Variants in SLBP observed in about 807,000 individuals in gnomAD.
SLBP encodes histone RNA hairpin-binding protein.
Under a neutral mutation model 39.2 loss-of-function variants are expected in SLBP, and 29 were observed. That is an observed-to-expected ratio of 0.74 (90% CI 0.55 to 1.01). The LOEUF is 1.01. Among genes scored for constraint, SLBP ranks in the 50% least tolerant of loss-of-function variants. The pLI is 0.00. For missense variants in SLBP, 390 were observed against 350.2 expected, an observed-to-expected ratio of 1.11 and a Z score of -0.91; for synonymous variants, 129 against 118.7, an observed-to-expected ratio of 1.09 and a Z score of -0.57.
intron 3 of SLBP, among the ~76,000 whole-genome samples, chr4:1,700,674 C>T (rs931872203): frequency 6.6e-6 from 1 of 152,000 alleles, no homozygotes; most frequent in Non-Finnish European, 1.5e-5. Context: ...ATCATCTCAC[C>T]TCAGCCTCCC....
intron 2 of SLBP, 100 bp from the exon 3 acceptor site, chr4:1,703,800 T>A: frequency 1.1e-6 from 1 of 882,046 alleles, no homozygotes. Context: ...ACACAGTGGC[T>A]TGTGCCTGTA....
Position 1,694,941 on chromosome 4 carries a change from C to A in SLBP, c.630-101G>T, listed in dbSNP as rs555735067. Reference sequence around the variant, plus strand: ...CCATCCATATGGTACAGCCACAACACTGACAGTGTGCCCGAGGCTCCCTGA... The same window carrying A: ...CCATCCATATGGTACAGCCACAACAATGACAGTGTGCCCGAGGCTCCCTGA... On this transcript the variant is annotated intron_variant, in intron 6 of 7. Coordinates refer to ENST00000489418, the MANE Select transcript of SLBP (RefSeq NM_006527.4). 4.9e-6 allele frequency: 4 copies of A among 811,064 alleles called. No individual in the cohort carries two copies. The East Asian group carries it at 7.4e-5, about 15-fold the overall frequency. 50.2% of individuals were successfully genotyped at this position (811,064 alleles called of 1,614,324 possible).
At chr4:1,708,199 G>A (rs947892527) in intron 2 of SLBP, among the ~76,000 whole-genome samples, 2 of 152,040 alleles carry the variant, frequency 1.3e-5, no homozygotes, top group Non-Finnish European at 2.9e-5. Flanking sequence ...TTACAGTGAG[G>A]TGAGATCACA....
intron 2 of SLBP, among the ~76,000 whole-genome samples, chr4:1,706,050 C>T (rs781402256): frequency 7.2e-5 from 11 of 152,092 alleles, no homozygotes; most frequent in Non-Finnish European, 1.6e-4. Flanking sequence ...TTGGGGACGC[C>T]GAGGCGGGTG....
rs749159940 is a variant in SLBP, at chr4:1,700,079, AAAAT to A, written c.282-13_282-10del. On this transcript the variant is annotated splice_polypyrimidine_tract_variant and intron_variant, in intron 3 of 7. Coordinates refer to ENST00000489418, the MANE Select transcript of SLBP (RefSeq NM_006527.4). ...GGAGTTTCCTTTTATATCTGAGGGCAAAATAAATATTGCTGTTTTTAAAAAAGAT... is the reference window on the plus strand; with the variant it reads ...GGAGTTTCCTTTTATATCTGAGGGCAAAATATTGCTGTTTTTAAAAAAGAT... The A allele has an allele frequency of 6.4e-7, 1 of 1,573,302 alleles. No homozygotes were observed. The highest frequency in any genetic ancestry group is 2.2e-5 in the East Asian group (1 of 44,666).
Position 1,699,702 on chromosome 4 carries a change from C to T in SLBP, c.342-1G>A. Reference sequence around the variant, plus strand: ...AGACATAGACTCCTTTGAATCAGAACTGAAAAAACAACAGATTAACAGAAT... The same window carrying T: ...AGACATAGACTCCTTTGAATCAGAATTGAAAAAACAACAGATTAACAGAAT... On this transcript the variant is annotated splice_acceptor_variant, in intron 4 of 7. Transcript: ENST00000489418. LOFTEE classifies it high-confidence loss of function. 6.2e-7 allele frequency: 1 copy of T among 1,613,114 alleles called. No individual in the cohort carries two copies. Among genetic ancestry groups the T allele is most frequent in the Non-Finnish European group, 8.5e-7 (1 of 1,179,564 alleles).
intron 4 of SLBP, 116 bp from the exon 5 acceptor site, chr4:1,699,817 C>A: frequency 3.9e-6 from 4 of 1,028,706 alleles, no homozygotes; most frequent in Non-Finnish European, 5.8e-6. Context: ...GATTCCCAAC[C>A]ATATGAATCC....
At chr4:1,711,568 G>A (rs1716771201) in intron 2 of SLBP, among the ~76,000 whole-genome samples, 1 of 152,182 alleles carries the variant, frequency 6.6e-6, no homozygotes, top group Non-Finnish European at 1.5e-5. Flanking sequence ...TGACTTCCAC[G>A]TGTTCACGAG....
chr4:1,712,290 C>A lies in SLBP; in HGVS notation c.-102G>T. ...CAGGGCAGGGCCTGAGGCAGAAACC[C>A]GCGTCCCCGCGCCGGCGCTCACGAG... On this transcript the variant is annotated 5_prime_UTR_variant, in exon 1 of 8. Coordinates refer to ENST00000489418, the MANE Select transcript of SLBP (RefSeq NM_006527.4). 1 of 686,078 alleles carries A rather than the reference C, an allele frequency of 1.5e-6. No homozygotes were observed. 42.5% of individuals were successfully genotyped at this position (686,078 alleles called of 1,614,324 possible).
Position 1,693,518 on chromosome 4 carries a change from C to T in SLBP, c.*79G>A, listed in dbSNP as rs1350266389. On this transcript the variant is annotated 3_prime_UTR_variant, in exon 8 of 8. Coordinates refer to ENST00000489418, the MANE Select transcript of SLBP (RefSeq NM_006527.4). Reference sequence around the variant, plus strand: ...ACAGAGAAACCACCAGGTACAAGTGCACACACATGCTTGGTGCCTGGCCAG... The same window carrying T: ...ACAGAGAAACCACCAGGTACAAGTGTACACACATGCTTGGTGCCTGGCCAG... 1 of 816,406 alleles carries T rather than the reference C, an allele frequency of 1.2e-6. No individual in the cohort carries two copies. Among genetic ancestry groups the T allele is most frequent in the Non-Finnish European group, 2.2e-6 (1 of 462,284 alleles). 50.6% of individuals were successfully genotyped at this position (816,406 alleles called of 1,614,324 possible). A position where few individuals can be genotyped will look rare whatever the true frequency, so the allele number is the denominator to read the frequency against.
At chr4:1,709,899 C>T (rs554240975) in intron 2 of SLBP, among the ~76,000 whole-genome samples, 6 of 152,236 alleles carry the variant, frequency 3.9e-5, no homozygotes, top group Admixed American at 6.5e-5. Context: ...TGAGCCACCG[C>T]GCCCGGCCTA....
chr4:1,700,553 TTCATGTGAGTA>T (rs1314507184), intron 3 of SLBP, among the ~76,000 whole-genome samples: 1 of 140,022 alleles, frequency 7.1e-6, no homozygotes, highest in Non-Finnish European at 1.6e-5. Flanking sequence ...GAGCTCCAAG[TTCATGTGAGTA>T]TCTTTTTTTT....
chr4:1,710,517 G>A (rs1481055445), intron 2 of SLBP, among the ~76,000 whole-genome samples: 3 of 152,202 alleles, frequency 2.0e-5, no homozygotes, highest in African/African-American at 4.8e-5. Context: ...CGAAATTACA[G>A]AAAGAGTCTG....
At chr4:1,712,096 G>A in intron 1 of SLBP, 34 bp downstream of exon 1, 1 of 1,227,806 alleles carries the variant, frequency 8.1e-7, no homozygotes, top group Non-Finnish European at 1.0e-6. Context: ...CACGGGGCAC[G>A]CGCTCCCTCG....
chr4:1,702,710 C>T (rs1026851509), intron 3 of SLBP, among the ~76,000 whole-genome samples: 5 of 152,246 alleles, frequency 3.3e-5, no homozygotes, highest in South Asian at 2.1e-4. Context: ...AATGAGTCAA[C>T]GAAGACGAAG....
chr4:1,710,856 T>C lies in SLBP; in HGVS notation c.176+1018A>G, dbSNP rs377442033. On this transcript the variant is annotated intron_variant, in intron 2 of 7. Coordinates refer to ENST00000489418, the MANE Select transcript of SLBP (RefSeq NM_006527.4). ...CTTGAGGTCAGGAGTTCGACACCAG[T>C]CTGGTCAACATGGTGAAACCCTGTC... Among the ~76,000 whole-genome samples, 419 of 150,620 alleles carry C rather than the reference T, an allele frequency of 2.8e-3. 1 individual carries two copies. Among genetic ancestry groups the C allele is most frequent in the Middle Eastern group, 0.01 (3 of 288 alleles).
Position 1,711,881 on chromosome 4 carries a change from G to A in SLBP, c.169C>T (p.Pro57Ser). 7.4e-7 allele frequency: 1 copy of A among 1,352,722 alleles called. No individual in the cohort carries two copies. The allele number at this position is 1,352,722 out of a possible 1,614,324, so 83.8% of individuals were successfully genotyped here. The change falls in exon 2 of 8, where the codon CCC becomes TCC. Residue 57 changes from proline to serine, a missense_variant. Pro to Ser is a moderately conservative substitution (Grantham distance 74, BLOSUM62 -1). Coordinates refer to ENST00000489418, the MANE Select transcript of SLBP (RefSeq NM_006527.4). ...EAEHRGAERR[P>S]ESFTTPEGPK... ...CCCGGGTCCCGCGCCCACCTCTCGG[G>A]TCTGCGCTCGGCGCCGCGGTGCTCT... is the stretch of plus-strand genomic sequence containing the variant.
At chr4:1,709,922 AT>A (rs1243836298) in intron 2 of SLBP, among the ~76,000 whole-genome samples, 1 of 150,238 alleles carries the variant, frequency 6.7e-6, no homozygotes, top group African/African-American at 2.5e-5. Flanking sequence ...TCTTAAAGTG[AT>A]TGTACTCAAT....
intron 5 of SLBP, among the ~76,000 whole-genome samples, chr4:1,699,096 A>G (rs1716230895): frequency 6.6e-6 from 1 of 152,168 alleles, no homozygotes; most frequent in South Asian, 2.1e-4. Flanking sequence ...GTAAATTTCA[A>G]CCCCAATCCT....
Sources: gnomAD v4.1 joint callset for allele counts (sites outside exome capture counted in the v4.1 genomes callset) on GRCh38, gnomAD v4.1.1 for gene constraint, MANE v1.5 for transcripts, NCBI Gene and HGNC (gene_info 2026-07-23, HGNC 2026-07-21) for gene names.